The following NTRK3 variants were observed in gnomAD, a reference collection of about 807,000 sequenced individuals.
NTRK3 encodes neurotrophic receptor tyrosine kinase 3.
In NTRK3, 24 loss-of-function variants were observed where a neutral mutation model predicts 91.7. The observed-to-expected ratio is 0.26, with a 90% CI of 0.19 to 0.37. The LOEUF is 0.37. NTRK3 is among the 10% of genes least tolerant of loss of function. The pLI is 1.00. For missense variants in NTRK3, 880 were observed against 1,068.9 expected, an observed-to-expected ratio of 0.82 and a Z score of 2.46; for synonymous variants, 483 against 404.0, an observed-to-expected ratio of 1.20 and a Z score of -2.34.
At chr15:88,132,014 C>A in intron 10 of NTRK3, 1 of 201,632 alleles carries the variant, frequency 5.0e-6, no homozygotes, top group Non-Finnish European at 1.0e-5. Flanking sequence ...GACCATAACT[C>A]TTCAAGAAGC....
intron 14 of NTRK3, among the ~76,000 whole-genome samples, chr15:88,015,601 C>T (rs1280644429): frequency 6.6e-6 from 1 of 152,176 alleles, no homozygotes; most frequent in Non-Finnish European, 1.5e-5. Flanking sequence ...TGCAGGGTCT[C>T]TGTGGCAGGC....
At chr15:88,170,502 G>T (rs1023139550) in intron 5 of NTRK3, among the ~76,000 whole-genome samples, 2 of 152,222 alleles carry the variant, frequency 1.3e-5, no homozygotes, top group Non-Finnish European at 2.9e-5. Flanking sequence ...TCTCAACATT[G>T]TTCACTCTGT....
chr15:88,203,803 C>A (rs1280448859), intron 3 of NTRK3, among the ~76,000 whole-genome samples: 3 of 151,996 alleles, frequency 2.0e-5, no homozygotes, highest in Admixed American at 6.6e-5. Context: ...ATCACATGTA[C>A]CCCAAAATAT....
chr15:87,886,288 A>G (rs189247629), intron 17 of NTRK3, among the ~76,000 whole-genome samples: 11 of 152,118 alleles, frequency 7.2e-5, no homozygotes, highest in Admixed American at 5.2e-4. Context: ...GTGACTTTGA[A>G]CCCAGCAATT....
intron 14 of NTRK3, among the ~76,000 whole-genome samples, chr15:87,943,074 G>T (rs182785761): frequency 1.1e-3 from 167 of 152,024 alleles, no homozygotes; most frequent in Non-Finnish European, 2.1e-3. Flanking sequence ...CACCTAGACG[G>T]CTTGTTACAA....
At chr15:87,864,293 G>T (rs933412988) in exon 19 of NTRK3, 11 of 232,042 alleles carry the variant, frequency 4.7e-5, no homozygotes, top group African/African-American at 2.4e-4. Context: ...TGATAGAATT[G>T]GAGGAGCCTT....
At chr15:88,170,524 C>G (rs1171052760) in intron 5 of NTRK3, among the ~76,000 whole-genome samples, 1 of 152,216 alleles carries the variant, frequency 6.6e-6, no homozygotes. Flanking sequence ...CTCACAATAA[C>G]CCTGTAGGGG....
At chr15:88,161,407 C>A (rs1207091358) in intron 5 of NTRK3, among the ~76,000 whole-genome samples, 2 of 152,108 alleles carry the variant, frequency 1.3e-5, no homozygotes, top group African/African-American at 4.8e-5. Context: ...TTACTAGGGC[C>A]CTGTCTCCTG....
At chr15:88,137,969 T>C (rs929710693) in intron 6 of NTRK3, among the ~76,000 whole-genome samples, 1 of 151,736 alleles carries the variant, frequency 6.6e-6, no homozygotes, top group African/African-American at 2.4e-5. Flanking sequence ...GAGAATCGCT[T>C]GAACCCAGGA....
intron 14 of NTRK3, among the ~76,000 whole-genome samples, chr15:87,948,016 C>G (rs923502480): frequency 5.9e-5 from 9 of 152,106 alleles, no homozygotes; most frequent in Non-Finnish European, 1.3e-4. Context: ...CCTCAAAGAA[C>G]TGCCCTCACA....
At chr15:87,930,640 G>A (rs1312204272) in intron 16 of NTRK3, among the ~76,000 whole-genome samples, 1 of 152,138 alleles carries the variant, frequency 6.6e-6, no homozygotes, top group East Asian at 1.9e-4. Flanking sequence ...TGGCCTGCGG[G>A]TTATGGAGGC....
intron 18 of NTRK3, among the ~76,000 whole-genome samples, chr15:87,878,797 T>A (rs2065074003): frequency 6.6e-6 from 1 of 152,140 alleles, no homozygotes; most frequent in Non-Finnish European, 1.5e-5. Context: ...ATGAGCCAGC[T>A]CAAGAACAGA....
At chr15:88,049,560 G>A (rs1378754915) in intron 13 of NTRK3, among the ~76,000 whole-genome samples, 3 of 152,182 alleles carry the variant, frequency 2.0e-5, no homozygotes, top group African/African-American at 2.4e-5. Context: ...AATGATATAT[G>A]TAAAAGGTCA....
chr15:88,043,557 C>T (rs2079860685), intron 13 of NTRK3, among the ~76,000 whole-genome samples: 1 of 152,206 alleles, frequency 6.6e-6, no homozygotes, highest in African/African-American at 2.4e-5. Context: ...TGCCTCCACC[C>T]ACTCACATCA....
chr15:88,136,089 GGCTCT>G, intron 8 of NTRK3, 49 bp from the exon 9 acceptor site: 1 of 1,608,040 alleles, frequency 6.2e-7, no homozygotes, highest in Non-Finnish European at 8.5e-7. Flanking sequence ...CTACAAGGAT[GGCTCT>G]GCTACCTAAT....
intron 13 of NTRK3, among the ~76,000 whole-genome samples, chr15:88,053,279 GT>G (rs2045390946): frequency 6.6e-6 from 1 of 152,196 alleles, no homozygotes; most frequent in African/African-American, 2.4e-5. Flanking sequence ...GGTTATAGGA[GT>G]TCAGAGATTC....
At chr15:88,002,341 C>G (rs918563081) in intron 14 of NTRK3, among the ~76,000 whole-genome samples, 5 of 151,936 alleles carry the variant, frequency 3.3e-5, no homozygotes, top group African/African-American at 4.8e-5. Flanking sequence ...TAATGGAAGG[C>G]CTTGTTCAAA....
intron 17 of NTRK3, among the ~76,000 whole-genome samples, chr15:87,883,682 T>C (rs1424587608): frequency 6.6e-6 from 1 of 150,766 alleles, no homozygotes; most frequent in African/African-American, 2.4e-5. Flanking sequence ...AAAGGAAAAC[T>C]GGAATTCCAA....
At chr15:88,187,354 A>G (rs1283360892) in intron 3 of NTRK3, among the ~76,000 whole-genome samples, 1 of 152,134 alleles carries the variant, frequency 6.6e-6, no homozygotes, top group Non-Finnish European at 1.5e-5. Flanking sequence ...AGGCCCTGAC[A>G]TTTCCGGATG....
Sources: gnomAD v4.1 joint callset for allele counts (sites outside exome capture counted in the v4.1 genomes callset) on GRCh38, gnomAD v4.1.1 for gene constraint, MANE v1.5 for transcripts, NCBI Gene and HGNC (gene_info 2026-07-23, HGNC 2026-07-21) for gene names.